TNIK: variants seen among roughly 807,000 people sequenced by gnomAD.
TNIK encodes the protein TRAF2 and NCK-interacting protein kinase.
A neutral mutation model predicts 191.3 loss-of-function variants in TNIK; 49 were observed. That is an observed-to-expected ratio of 0.26 (90% CI 0.20 to 0.32). The LOEUF is 0.32. Ranked by LOEUF, TNIK falls within the 10% of genes least tolerant of loss-of-function variation. The pLI is 1.00. For missense variants in TNIK, 1,155 were observed against 1,702.3 expected, an observed-to-expected ratio of 0.68 and a Z score of 5.66; for synonymous variants, 594 against 600.9, an observed-to-expected ratio of 0.99 and a Z score of 0.17.
chr3:171,094,791 T>C (rs1722509793), intron 22 of TNIK, among the ~76,000 whole-genome samples: 1 of 152,194 alleles, frequency 6.6e-6, no homozygotes, highest in African/African-American at 2.4e-5. Flanking sequence ...CCCTCTTCTT[T>C]TCTCTTCACC....
intron 13 of TNIK, among the ~76,000 whole-genome samples, 198 bp downstream of exon 13, chr3:171,140,201 G>T (rs983294232): frequency 2.6e-5 from 4 of 152,236 alleles, no homozygotes; most frequent in Admixed American, 2.0e-4. Flanking sequence ...CTCTGTCTGG[G>T]TAGAAAGCAA....
chr3:171,354,921 A>G (rs997605460), intron 2 of TNIK, among the ~76,000 whole-genome samples: 5 of 152,040 alleles, frequency 3.3e-5, no homozygotes, highest in Non-Finnish European at 2.9e-5. Context: ...ATACTCAAAG[A>G]GCGTTCTGTT....
chr3:171,087,815 A>G (rs61791158), intron 23 of TNIK, among the ~76,000 whole-genome samples: 9,479 of 152,318 alleles, frequency 0.062, 393 homozygotes, highest in Middle Eastern at 0.13. Context: ...CAGGGCCCAC[A>G]CTTGTAAACT....
chr3:171,211,003 G>A (rs1740748437), intron 4 of TNIK, 113 bp downstream of exon 4: 1 of 1,316,176 alleles, frequency 7.6e-7, no homozygotes, highest in Non-Finnish European at 1.0e-6. Flanking sequence ...CATCATGGGG[G>A]CTAATGGTTA....
Position 171,458,482 on chromosome 3 carries a change from T to A in TNIK, c.57+1525A>T, listed in dbSNP as rs970894640. 2.0e-5 allele frequency among the ~76,000 whole-genome samples: 3 copies of A among 152,304 alleles called. No homozygotes were observed. In the South Asian group the frequency reaches 6.2e-4, roughly 32 times the overall value. On this transcript the variant is annotated intron_variant, in intron 1 of 32. Coordinates refer to ENST00000436636, the MANE Select transcript of TNIK (RefSeq NM_015028.4). ...GCATCTCTGTTTCTTCTCAACTCCT[T>A]ACTTGCCTTGCTGAAACCTCATCTC...
chr3:171,285,716 G>A (rs1386377251), intron 2 of TNIK, among the ~76,000 whole-genome samples: 2 of 152,144 alleles, frequency 1.3e-5, no homozygotes, highest in East Asian at 3.9e-4. Context: ...CCATTATTTG[G>A]CAGATAAGAA....
At chr3:171,128,115 T>A (rs1470474338) in intron 16 of TNIK, among the ~76,000 whole-genome samples, 1 of 152,218 alleles carries the variant, frequency 6.6e-6, no homozygotes, top group Non-Finnish European at 1.5e-5. Context: ...TTAGAATCAC[T>A]TAGAGGTCTT....
In TNIK at chr3:171,098,147, C is replaced by A. The variant is rs549880021; in HGVS notation, c.2591+3302G>T. Among the ~76,000 whole-genome samples the A allele has an allele frequency of 6.6e-5, 10 of 152,196 alleles. No homozygotes were observed. The East Asian group carries it at 1.9e-3, about 29-fold the overall frequency. ...TAGAAAAAAGCGGAAATAAAAGAGT[C>A]ATTTTACAGTGGAGAAATCTTCCCT... On this transcript the variant is annotated intron_variant, in intron 22 of 32. Transcript: ENST00000436636.
rs1039573761 is a variant in TNIK, at chr3:171,152,252, G to T, written c.1221+5208C>A. The stretch of plus-strand genomic sequence containing the variant: ...GCTGAGATGATCGTGCCTCCAACCT[G>T]GGTGACAGAGTAGACTCCATCTCAA... On this transcript the variant is annotated intron_variant, in intron 12 of 32. Transcript: ENST00000436636. 1.5e-4 allele frequency among the ~76,000 whole-genome samples: 23 copies of T among 151,672 alleles called. 1 individual carries two copies. Among genetic ancestry groups the T allele is most frequent in the African/African-American group, 5.6e-4 (23 of 41,276 alleles).
intron 12 of TNIK, among the ~76,000 whole-genome samples, chr3:171,153,747 T>C (rs966049231): frequency 3.9e-5 from 6 of 152,226 alleles, no homozygotes; most frequent in African/African-American, 1.4e-4. Flanking sequence ...TACAAAGCCC[T>C]GCATGACTGT....
chr3:171,350,595 T>TTA (rs1237168531), intron 2 of TNIK, among the ~76,000 whole-genome samples: 7 of 98,022 alleles, frequency 7.1e-5, no homozygotes, highest in Non-Finnish European at 1.1e-4. Flanking sequence ...GCTCTGTTGC[T>TTA]AAAAAAAAAA....
chr3:171,200,939 G>A (rs754647431), intron 4 of TNIK, among the ~76,000 whole-genome samples: 2 of 152,096 alleles, frequency 1.3e-5, no homozygotes, highest in Non-Finnish European at 1.5e-5. Context: ...CCTCCCAAAT[G>A]TCACTAGTCA....
intron 2 of TNIK, among the ~76,000 whole-genome samples, chr3:171,250,415 A>G (rs1469298908): frequency 6.6e-6 from 1 of 152,206 alleles, no homozygotes. Context: ...AAATATTCAG[A>G]AACAGGGATT....
At chr3:171,458,227 C>G (rs1184663841) in intron 1 of TNIK, among the ~76,000 whole-genome samples, 2 of 149,426 alleles carry the variant, frequency 1.3e-5, no homozygotes, top group Non-Finnish European at 3.0e-5. Flanking sequence ...ATTAACTCGC[C>G]GGCAGCAACT....
chr3:171,282,334 G>GTTTT lies in TNIK; in HGVS notation c.124-54117_124-54114dup, dbSNP rs201489240. Among the ~76,000 whole-genome samples, 51 of 114,466 alleles carry GTTTT rather than the reference G, an allele frequency of 4.5e-4. 1 individual carries two copies. The highest frequency in any genetic ancestry group is 1.1e-3 in the African/African-American group (31 of 28,818). The allele number at this position is 114,466 out of a possible 152,430, so 75.1% of individuals were successfully genotyped here. On this transcript the variant is annotated intron_variant, in intron 2 of 32. Transcript: ENST00000436636. The stretch of plus-strand genomic sequence containing the variant: ...GAACTATCTGCAGATTCTCTTAATG[G>GTTTT]TTTTTTGTTTTTTTTTTTTTTTTTG...
At chr3:171,274,963 C>T (rs1749549393) in intron 2 of TNIK, among the ~76,000 whole-genome samples, 1 of 152,204 alleles carries the variant, frequency 6.6e-6, no homozygotes, top group African/African-American at 2.4e-5. Context: ...TGAGCATGAG[C>T]TGTGAGGCAG....
At chr3:171,407,947 C>A (rs1721920895) in intron 1 of TNIK, among the ~76,000 whole-genome samples, 1 of 152,164 alleles carries the variant, frequency 6.6e-6, no homozygotes, top group Admixed American at 6.5e-5. Context: ...GCTTTCATAA[C>A]CCACAATGAC....
intron 2 of TNIK, among the ~76,000 whole-genome samples, chr3:171,339,778 T>C (rs1181013501): frequency 1.3e-5 from 2 of 152,234 alleles, no homozygotes; most frequent in Admixed American, 1.3e-4. Flanking sequence ...TCTGTTGCTG[T>C]AATTTTCAGA....
At chr3:171,161,656 C>T (rs1390376800) in intron 10 of TNIK, among the ~76,000 whole-genome samples, 1 of 152,098 alleles carries the variant, frequency 6.6e-6, no homozygotes, top group Non-Finnish European at 1.5e-5. Context: ...CGGTGGCTCA[C>T]GCCTGTAATC....
Sources: allele counts gnomAD v4.1 joint callset (sites outside exome capture counted in the v4.1 genomes callset), GRCh38; gene constraint gnomAD v4.1.1; transcripts MANE v1.5; gene names NCBI Gene and HGNC (gene_info 2026-07-23, HGNC 2026-07-21).